Variants in KAT6A observed in about 807,000 individuals in gnomAD.
KAT6A encodes histone acetyltransferase KAT6A.
A neutral mutation model predicts 198.4 loss-of-function variants in KAT6A; 9 were observed. The ratio of observed to expected loss-of-function variants is 0.05; its 90% CI spans 0.03 to 0.08. The LOEUF (loss-of-function observed/expected upper bound fraction) is 0.08. KAT6A is among the 10% of genes least tolerant of loss of function. KAT6A has a pLI of 1.00. For missense variants in KAT6A, 2,077 were observed against 2,509.9 expected (o/e 0.83, Z 3.69); for synonymous variants, 890 against 883.0 (o/e 1.01, Z -0.14).
At chr8:41,994,057 A>C (rs11373085) in intron 2 of KAT6A, among the ~76,000 whole-genome samples, 32,108 of 144,448 alleles carry the variant, frequency 0.22, 3,755 homozygotes, top group African/African-American at 0.25. Flanking sequence ...ATAATCAGTG[A>C]AAAAATCTGT....
At chr8:41,968,062 G>A (rs1305980637) in intron 8 of KAT6A, among the ~76,000 whole-genome samples, 1 of 152,014 alleles carries the variant, frequency 6.6e-6, no homozygotes, top group Non-Finnish European at 1.5e-5. Flanking sequence ...ACATAGGCAT[G>A]GGCAAGGACT....
chr8:42,029,376 C>T (rs1012414438), intron 2 of KAT6A, among the ~76,000 whole-genome samples: 10 of 152,030 alleles, frequency 6.6e-5, no homozygotes, highest in African/African-American at 2.4e-4. Context: ...TATGCCTTTG[C>T]CCCTCTATTC....
Position 41,980,942 on chromosome 8 carries a change from A to G in KAT6A, c.826-15T>C, listed in dbSNP as rs779689753. Reference sequence around the variant, plus strand: ...AGCATGTTATCCTATTAGAAAAAAGAAAGGACAGTTTTGCTTAACCTTATG... The same window carrying G: ...AGCATGTTATCCTATTAGAAAAAAGGAAGGACAGTTTTGCTTAACCTTATG... On this transcript the variant is annotated splice_polypyrimidine_tract_variant and intron_variant, in intron 4 of 16. Transcript: ENST00000265713. 12 of 1,584,298 alleles carry G rather than the reference A, an allele frequency of 7.6e-6. No homozygotes were observed. Among genetic ancestry groups the G allele is most frequent in the African/African-American group, 2.7e-5 (2 of 74,426 alleles).
At chr8:41,964,159 G>T (rs570469073) in intron 8 of KAT6A, among the ~76,000 whole-genome samples, 1 of 152,204 alleles carries the variant, frequency 6.6e-6, no homozygotes, top group Non-Finnish European at 1.5e-5. Context: ...GAATACCAGG[G>T]TTCAAATATT....
intron 2 of KAT6A, among the ~76,000 whole-genome samples, chr8:41,988,204 T>C (rs899563799): frequency 6.6e-6 from 1 of 152,058 alleles, no homozygotes; most frequent in Non-Finnish European, 1.5e-5. Flanking sequence ...GAGAAGGCAA[T>C]AGAGGTAGTA....
rs1821683698 is a variant in KAT6A, at chr8:41,933,692, T to G, written c.4528A>C (p.Thr1510Pro). The G allele has an allele frequency of 6.2e-7, 1 of 1,613,930 alleles. No individual in the cohort carries two copies. The stretch of plus-strand genomic sequence containing the variant: ...GATCCTTGTTCTGGGCTGATCTGGG[T>G]GTAGCCACTCTCAAGGGCAGGCACG... The part of the protein sequence containing the change: ...PNVPALESGY[T>P]QISPEQGSLS... The change falls in exon 17 of 17, where the codon ACC becomes CCC. Residue 1510 changes from threonine (T) to proline (P), a missense_variant. Transcript: ENST00000265713. This position sits in a 1 kb window ranked among gnomAD's most constrained non-coding sequence, Gnocchi z 6.2.
intron 8 of KAT6A, among the ~76,000 whole-genome samples, chr8:41,969,765 A>G (rs1024342260): frequency 3.3e-5 from 5 of 152,100 alleles, no homozygotes; most frequent in African/African-American, 9.7e-5. Context: ...CTATTTCCCC[A>G]GCTTCACCTT....
intron 9 of KAT6A, among the ~76,000 whole-genome samples, chr8:41,951,007 A>AG (rs1426748215): frequency 2.6e-5 from 4 of 152,110 alleles, no homozygotes; most frequent in Non-Finnish European, 4.4e-5. Flanking sequence ...GATCTGTGAG[A>AG]GAAGGCCAAA....
At chr8:41,945,856 G>A (rs12156252) in intron 12 of KAT6A, among the ~76,000 whole-genome samples, 42,223 of 151,462 alleles carry the variant, frequency 0.28, 6,119 homozygotes, top group Middle Eastern at 0.44. Flanking sequence ...GTAAAACCCC[G>A]TCTCTAGTAA....
At chr8:41,972,553 T>C (rs764488743) in intron 8 of KAT6A, among the ~76,000 whole-genome samples, 5 of 152,172 alleles carry the variant, frequency 3.3e-5, no homozygotes, top group Non-Finnish European at 7.3e-5. Context: ...CCTGTGGAAT[T>C]TTCTAATCAT....
intron 2 of KAT6A, among the ~76,000 whole-genome samples, chr8:41,991,923 A>T (rs540958414): frequency 1.3e-5 from 2 of 152,332 alleles, no homozygotes; most frequent in South Asian, 2.1e-4. Context: ...GAGAAAACAG[A>T]AACAAAAGAA....
chr8:41,969,667 A>C (rs60116794), intron 8 of KAT6A, among the ~76,000 whole-genome samples: 1 of 152,092 alleles, frequency 6.6e-6, no homozygotes, highest in East Asian at 1.9e-4. Context: ...TTAATGAAAC[A>C]GATCTTGCTG....
chr8:41,996,866 T>G (rs956284288), intron 2 of KAT6A, among the ~76,000 whole-genome samples: 1 of 152,210 alleles, frequency 6.6e-6, no homozygotes, highest in Non-Finnish European at 1.5e-5. Context: ...ACAAAACTTA[T>G]GTTCAACTAT....
chr8:42,019,586 C>G (rs1826433834), intron 2 of KAT6A, among the ~76,000 whole-genome samples: 1 of 152,166 alleles, frequency 6.6e-6, no homozygotes, highest in Non-Finnish European at 1.5e-5. Flanking sequence ...GTTAACTACT[C>G]TGCCAAATTC....
chr8:41,950,970 G>A (rs1336822629), intron 9 of KAT6A, among the ~76,000 whole-genome samples: 2 of 151,900 alleles, frequency 1.3e-5, no homozygotes, highest in African/African-American at 2.4e-5. Flanking sequence ...AGGAAGGGAG[G>A]AAAATAAACT....
Position 41,932,764 on chromosome 8 carries a change from G to C in KAT6A, c.5456C>G (p.Thr1819Ser), listed in dbSNP as rs1265752740. The change falls in exon 17 of 17, where the codon ACT becomes AGT. Residue 1819 changes from threonine to serine, a missense_variant. Physicochemically the swap from Thr to Ser is moderately conservative, Grantham distance 58. Coordinates refer to ENST00000265713, the MANE Select transcript of KAT6A (RefSeq NM_006766.5). ...CAGAGGAGATGTGAGGTTCATGGTA[G>C]TGGATGCCAAGTTTGGGGGTGGCGT... ...TMTPPPNLAS[T>S]TMNLTSPLLQ... 1 of 1,614,128 alleles carries C rather than the reference G, an allele frequency of 6.2e-7. No individual in the cohort carries two copies. The highest frequency in any genetic ancestry group is 1.3e-5 in the African/African-American group (1 of 74,946).
chr8:41,976,765 CA>C (rs1036641936), intron 7 of KAT6A, among the ~76,000 whole-genome samples: 15 of 152,126 alleles, frequency 9.9e-5, no homozygotes, highest in African/African-American at 3.4e-4. Context: ...TGTGGTTCTA[CA>C]AAAAAGCAGC....
At chr8:42,021,408 A>C (rs1826529452) in intron 2 of KAT6A, among the ~76,000 whole-genome samples, 1 of 152,230 alleles carries the variant, frequency 6.6e-6, no homozygotes, top group African/African-American at 2.4e-5. Flanking sequence ...CAACAATGAC[A>C]TGATCAGGCT....
chr8:42,006,149 G>A (rs997156762), intron 2 of KAT6A, among the ~76,000 whole-genome samples: 18 of 152,146 alleles, frequency 1.2e-4, no homozygotes, highest in African/African-American at 4.3e-4. Flanking sequence ...GAATAAAAAC[G>A]AATTTTAAGA....
Sources: allele counts gnomAD v4.1 joint callset (sites outside exome capture counted in the v4.1 genomes callset), GRCh38; gene constraint gnomAD v4.1.1; non-coding constraint Gnocchi (gnomAD v3.1); transcripts MANE v1.5; gene names NCBI Gene and HGNC (gene_info 2026-07-23, HGNC 2026-07-21).